The following FLT1 variants were observed in gnomAD, a reference collection of about 807,000 sequenced individuals.
The protein encoded by FLT1 is vascular endothelial growth factor receptor 1.
FLT1 carries 49 observed loss-of-function variants against 156.3 expected under a neutral mutation model. The observed-to-expected ratio is 0.31, with a 90% CI of 0.25 to 0.40. The LOEUF (loss-of-function observed/expected upper bound fraction) is 0.40, where lower values mean the gene tolerates loss of function less well. FLT1 is among the 10% of genes least tolerant of loss of function. The pLI is 1.00. For synonymous variants in FLT1, 594 were observed against 583.8 expected, an observed-to-expected ratio of 1.02 and a Z score of -0.25; for missense variants, 1,322 against 1,637.2, an observed-to-expected ratio of 0.81 and a Z score of 3.32.
At chr13:28,451,067 T>G (rs567672593) in intron 3 of FLT1, among the ~76,000 whole-genome samples, 1 of 152,290 alleles carries the variant, frequency 6.6e-6, no homozygotes, top group East Asian at 1.9e-4. Context: ...CATTGGACCC[T>G]CTGCTTAGCT....
At position 28,316,587 on chromosome 13, in the gene FLT1, C is replaced by G. The variant is rs146084246; in HGVS notation, c.3386+911G>C. 2.2e-4 allele frequency among the ~76,000 whole-genome samples: 34 copies of G among 152,120 alleles called. No homozygotes were observed. In the East Asian group the frequency reaches 4.6e-3, roughly 21 times the overall value. On this transcript the variant is annotated intron_variant, in intron 25 of 29. Coordinates refer to ENST00000282397, the MANE Select transcript of FLT1 (RefSeq NM_002019.4). ...AAGCCTCACATGGACACCCGAAAAG[C>G]CATCTGACCAGGCAGCTTCAGACAG... is the stretch of plus-strand genomic sequence containing the variant.
Position 28,322,450 on chromosome 13 carries a change from ACAAAC to A in FLT1, c.2954-96_2954-92del. ...TGGAACAATGTTAGCAAAACATAAA[ACAAAC>A]CAACAAGTAGATCAGAGTTCATTTT... is the stretch of plus-strand genomic sequence containing the variant. On this transcript the variant is annotated intron_variant, in intron 21 of 29. Coordinates refer to ENST00000282397, the MANE Select transcript of FLT1 (RefSeq NM_002019.4). The surrounding 1 kb of genome is among the most constrained non-coding windows in gnomAD (Gnocchi z 4.3). 1.1e-6 allele frequency: 1 copy of A among 873,146 alleles called. No homozygotes were observed. The allele number at this position is 873,146 out of a possible 1,614,324, so 54.1% of individuals were successfully genotyped here.
intron 1 of FLT1, among the ~76,000 whole-genome samples, chr13:28,487,075 T>C (rs915880933): frequency 8.5e-5 from 13 of 152,234 alleles, no homozygotes; most frequent in Non-Finnish European, 1.8e-4. Context: ...GTGATGAAAT[T>C]TGAGGTTCTT....
At chr13:28,409,470 G>C (rs1453818379) in intron 10 of FLT1, among the ~76,000 whole-genome samples, 1 of 151,938 alleles carries the variant, frequency 6.6e-6, no homozygotes, top group Non-Finnish European at 1.5e-5. Context: ...GAGTAGCTGG[G>C]ACTACATGTG....
chr13:28,345,743 A>AAAAGGCAGTATACATGAACTCACATAGT, intron 15 of FLT1, 192 bp from the exon 16 acceptor site: 1 of 587,260 alleles, frequency 1.7e-6, no homozygotes, highest in Non-Finnish European at 3.0e-6. Flanking sequence ...ACTCACATAG[A>AAAAGGCAGTATACATGAACTCACATAGT]AAAGGCAGTA....
intron 15 of FLT1, among the ~76,000 whole-genome samples, chr13:28,355,577 A>T (rs1872870463): frequency 6.6e-6 from 1 of 152,212 alleles, no homozygotes; most frequent in African/African-American, 2.4e-5. Flanking sequence ...ATCCCGGAGT[A>T]CATTCCAGGG....
intron 10 of FLT1, among the ~76,000 whole-genome samples, chr13:28,409,211 T>C (rs1875993028): frequency 6.6e-6 from 1 of 152,190 alleles, no homozygotes; most frequent in Admixed American, 6.5e-5. Context: ...GTTGATTTTC[T>C]TGTAACAGTG....
At chr13:28,467,841 C>T (rs186661349) in intron 1 of FLT1, among the ~76,000 whole-genome samples, 1 of 151,920 alleles carries the variant, frequency 6.6e-6, no homozygotes, top group Non-Finnish European at 1.5e-5. Context: ...TCCTTTTATA[C>T]CAAATGACCT....
In FLT1 at chr13:28,330,384, A is replaced by G. The variant is rs138562633; in HGVS notation, c.2594-656T>C. On this transcript the variant is annotated intron_variant, in intron 18 of 29. Transcript: ENST00000282397. ...GTTCTTATTAGTTAATATGCAAGGC[A>G]TTTAAAAATTTTAAATTATTTTTAG... Among the ~76,000 whole-genome samples, 147 of 152,306 alleles carry G rather than the reference A, an allele frequency of 9.7e-4. No homozygotes were observed. In the Middle Eastern group the frequency reaches 0.014, roughly 14 times the overall value.
At chr13:28,473,730 G>GA (rs1357680794) in intron 1 of FLT1, among the ~76,000 whole-genome samples, 271 of 66,696 alleles carry the variant, frequency 4.1e-3, no homozygotes, top group African/African-American at 9.4e-3. Flanking sequence ...AAGAAAGAAA[G>GA]AAGGAAGGAA....
intron 1 of FLT1, among the ~76,000 whole-genome samples, chr13:28,475,235 T>C (rs1404225952): frequency 1.3e-5 from 2 of 152,272 alleles, no homozygotes; most frequent in African/African-American, 4.8e-5. Context: ...ACAAATTATG[T>C]CACTAGGACT....
chr13:28,341,358 G>A (rs1872325101), intron 16 of FLT1, among the ~76,000 whole-genome samples: 1 of 152,186 alleles, frequency 6.6e-6, no homozygotes, highest in African/African-American at 2.4e-5. Flanking sequence ...GCACAGCTAA[G>A]TGCTTCAAAG....
At chr13:28,381,459 T>C (rs1011422959) in intron 14 of FLT1, among the ~76,000 whole-genome samples, 1 of 152,104 alleles carries the variant, frequency 6.6e-6, no homozygotes, top group African/African-American at 2.4e-5. Flanking sequence ...CTCAGAAGGC[T>C]GAGTCAGGAG....
intron 12 of FLT1, among the ~76,000 whole-genome samples, chr13:28,391,930 G>A (rs7332329): frequency 0.43 from 65,921 of 152,050 alleles, 15,523 homozygotes; most frequent in Middle Eastern, 0.6. Flanking sequence ...ATCTGCATTT[G>A]AGCAAAGAAT....
In FLT1 at chr13:28,385,812, A is replaced by C. The variant is rs1874325663; in HGVS notation, c.1970-781T>G. The C allele has an allele frequency of 1.6e-5, 17 of 1,048,216 alleles. No individual in the cohort carries two copies. The South Asian group carries it at 6.4e-4, about 40-fold the overall frequency. The allele number at this position is 1,048,216 out of a possible 1,614,324, so 64.9% of individuals were successfully genotyped here. Reference sequence around the variant, plus strand: ...AGATGCAATACATTACAACATTAAAATCCCACATAAGAACAGCAGTACCCC... The same window carrying C: ...AGATGCAATACATTACAACATTAAACTCCCACATAAGAACAGCAGTACCCC... On this transcript the variant is annotated intron_variant, in intron 13 of 29. Coordinates refer to ENST00000282397, the MANE Select transcript of FLT1 (RefSeq NM_002019.4).
At chr13:28,420,893 C>T (rs1311262697) in intron 10 of FLT1, among the ~76,000 whole-genome samples, 3 of 152,092 alleles carry the variant, frequency 2.0e-5, no homozygotes, top group Admixed American at 6.5e-5. Context: ...AATTTGCTGA[C>T]GTAAACAATA....
intron 8 of FLT1, among the ~76,000 whole-genome samples, chr13:28,428,143 G>A (rs1487727117): frequency 2.0e-5 from 3 of 152,142 alleles, no homozygotes; most frequent in Non-Finnish European, 2.9e-5. Context: ...GAAATAAAGC[G>A]AGCGAAGATA....
In FLT1 at chr13:28,439,949, A is replaced by T. The variant is rs1248148377; in HGVS notation, c.389-1604T>A. On this transcript the variant is annotated intron_variant, in intron 3 of 29. Coordinates refer to ENST00000282397, the MANE Select transcript of FLT1 (RefSeq NM_002019.4). The surrounding 1 kb of genome is among the most constrained non-coding windows in gnomAD (Gnocchi z 4.1). ...ATTGCTGTAGCCTGCTGAAGATGGG[A>T]TAGTTTTCTGCACAGCAGTGTGGAA... Among the ~76,000 whole-genome samples the T allele has an allele frequency of 6.6e-6, 1 of 152,218 alleles. No homozygotes were observed. The highest frequency in any genetic ancestry group is 1.5e-5 in the Non-Finnish European group (1 of 68,038).
chr13:28,355,905 T>C (rs1872881081), intron 15 of FLT1, among the ~76,000 whole-genome samples: 1 of 152,160 alleles, frequency 6.6e-6, no homozygotes, highest in Admixed American at 6.5e-5. Context: ...TTAAGCACAC[T>C]GGCTTCTGAG....
Sources: gnomAD v4.1 joint callset for allele counts (sites outside exome capture counted in the v4.1 genomes callset) on GRCh38, gnomAD v4.1.1 for gene constraint, Gnocchi (gnomAD v3.1) non-coding constraint, MANE v1.5 for transcripts, NCBI Gene and HGNC (gene_info 2026-07-23, HGNC 2026-07-21) for gene names.